Variants in GLUD1 observed in about 807,000 individuals in gnomAD.
The protein encoded by GLUD1 is glutamate dehydrogenase 1.
Under a neutral mutation model 56.0 loss-of-function variants are expected in GLUD1, and 22 were observed. That is an observed-to-expected ratio of 0.39 (90% CI 0.28 to 0.56). The LOEUF (loss-of-function observed/expected upper bound fraction) is 0.56. Among genes scored for constraint, GLUD1 ranks in the 20% least tolerant of loss-of-function variants. The pLI is 0.58. For missense variants in GLUD1, 451 were observed against 732.0 expected, an observed-to-expected ratio of 0.62 and a Z score of 4.43; for synonymous variants, 223 against 269.9, an observed-to-expected ratio of 0.83 and a Z score of 1.70.
At chr10:87,091,624 C>CT (rs1841511670) in intron 1 of GLUD1, 1 of 958,222 alleles carries the variant, frequency 1.0e-6, no homozygotes. Context: ...CATGTAGTAA[C>CT]TGGGAAAAGA....
chr10:87,082,568 G>C (rs1437969349), intron 1 of GLUD1, among the ~76,000 whole-genome samples: 1 of 152,190 alleles, frequency 6.6e-6, no homozygotes, highest in East Asian at 1.9e-4. Context: ...AGAAGCCCCA[G>C]AGCCAACAGA....
In GLUD1 at chr10:87,094,215, C is replaced by T; in HGVS notation, c.445+110G>A. ...GTGACCCGGGCGGGGACCCGGCCCG[C>T]TCCAGCTGGGCTGGGCTGGGCTGAG... On this transcript the variant is annotated intron_variant, in intron 1 of 12. Coordinates refer to ENST00000277865, the MANE Select transcript of GLUD1 (RefSeq NM_005271.5). The surrounding 1 kb of genome is among the most constrained non-coding windows in gnomAD (Gnocchi z 6.6). 4.9e-6 allele frequency: 7 copies of T among 1,424,482 alleles called. No homozygotes were observed. Among genetic ancestry groups the T allele is most frequent in the Non-Finnish European group, 6.6e-6 (7 of 1,066,618 alleles). 88.2% of individuals were successfully genotyped at this position (1,424,482 alleles called of 1,614,324 possible). A position where few individuals can be genotyped will look rare whatever the true frequency, so the allele number is the denominator to read the frequency against.
At chr10:87,073,069 T>C (rs533208986) in intron 4 of GLUD1, among the ~76,000 whole-genome samples, 58 of 152,368 alleles carry the variant, frequency 3.8e-4, no homozygotes, top group African/African-American at 1.4e-3. Flanking sequence ...CTATACTTAC[T>C]GTATTTCTAT....
intron 1 of GLUD1, among the ~76,000 whole-genome samples, chr10:87,084,516 G>C (rs1564563342): frequency 1.3e-5 from 2 of 152,006 alleles, no homozygotes; most frequent in Admixed American, 6.6e-5. Context: ...AACCACAATT[G>C]ACTAAGCTTG....
chr10:87,063,004 A>C (rs1038278105), intron 5 of GLUD1, among the ~76,000 whole-genome samples, 169 bp from the exon 6 acceptor site: 3 of 152,106 alleles, frequency 2.0e-5, no homozygotes, highest in Non-Finnish European at 4.4e-5. Context: ...GACAAGACTC[A>C]CTTTTTCAGC....
At position 87,094,451 on chromosome 10, in the gene GLUD1, G is replaced by C; in HGVS notation, c.319C>G (p.Arg107Gly). The C allele has an allele frequency of 1.2e-6, 2 of 1,613,740 alleles. No homozygotes were observed. The part of the protein sequence containing the change: ...QKRNRVRGIL[R>G]IIKPCNHVLS... ...ACATGGTTGCAGGGCTTGATGATCC[G>C]CAGGATGCCGCGCACCCGGTTCCGC... Residue 107 changes from arginine to glycine, a missense_variant, in exon 1 of 13, where the codon CGG (arginine) becomes GGG (glycine). Around this residue, in one of 4 missense-constraint regions of GLUD1, gnomAD observed 158 missense variants for 189.7 expected, o/e 0.83. Transcript: ENST00000277865. The surrounding 1 kb of genome is among the most constrained non-coding windows in gnomAD (Gnocchi z 6.6).
intron 11 of GLUD1, among the ~76,000 whole-genome samples, chr10:87,056,550 C>T (rs1845781315): frequency 6.6e-6 from 1 of 152,140 alleles, no homozygotes; most frequent in South Asian, 2.1e-4. Flanking sequence ...CTGCCTTGGC[C>T]TCCCAAAGTG....
At chr10:87,083,056 C>CA (rs1203743599) in intron 1 of GLUD1, among the ~76,000 whole-genome samples, 1 of 152,096 alleles carries the variant, frequency 6.6e-6, no homozygotes, top group African/African-American at 2.4e-5. Context: ...GCTTGGCCAA[C>CA]ATGGTGAAAC....
intron 12 of GLUD1, among the ~76,000 whole-genome samples, chr10:87,053,132 T>G (rs1370760838): frequency 1.3e-5 from 2 of 152,202 alleles, no homozygotes; most frequent in Non-Finnish European, 2.9e-5. Flanking sequence ...CCTTATTATT[T>G]CTTTCCAAAG....
In GLUD1 at chr10:87,060,250, G is replaced by C. The variant is rs201421730; in HGVS notation, c.1198-9C>G. The C allele has an allele frequency of 1.0e-4, 162 of 1,589,032 alleles. No individual in the cohort carries two copies. The East Asian group carries it at 1.4e-3, about 14-fold the overall frequency. ...GCACCTTCAGCAATGATCTGCAAGA[G>C]AGTCAGGAACATAGAGAAATGCGAA... On this transcript the variant is annotated splice_polypyrimidine_tract_variant and intron_variant, in intron 8 of 12. Transcript: ENST00000277865.
chr10:87,061,111 T>A, intron 6 of GLUD1, 59 bp from the exon 7 acceptor site: 1 of 1,475,334 alleles, frequency 6.8e-7, no homozygotes, highest in Non-Finnish European at 9.5e-7. Context: ...ACAGCAAGAG[T>A]CATATTTTGA....
chr10:87,052,343 C>A (rs1359064768), intron 12 of GLUD1, among the ~76,000 whole-genome samples: 2 of 151,874 alleles, frequency 1.3e-5, no homozygotes, highest in African/African-American at 4.8e-5. Context: ...AAAAAATTAA[C>A]CGGGTGTGGG....
Position 87,050,389 on chromosome 10 carries a change from A to T in GLUD1, c.*1362T>A, listed in dbSNP as rs1845600740. 1 of 152,114 alleles carries T rather than the reference A, an allele frequency of 6.6e-6. No homozygotes were observed. Among genetic ancestry groups the T allele is most frequent in the African/African-American group, 2.4e-5 (1 of 41,438 alleles). 9.4% of individuals were successfully genotyped at this position (152,114 alleles called of 1,614,324 possible). On this transcript the variant is annotated 3_prime_UTR_variant, in exon 13 of 13. Coordinates refer to ENST00000277865, the MANE Select transcript of GLUD1 (RefSeq NM_005271.5). ...AATAAAGTGGAAGGAAATGTTATACAGGTGGTCGCTATAAACATTTCAGAA... is the reference window on the plus strand; with the variant it reads ...AATAAAGTGGAAGGAAATGTTATACTGGTGGTCGCTATAAACATTTCAGAA...
At chr10:87,084,986 C>T (rs142769060) in intron 1 of GLUD1, among the ~76,000 whole-genome samples, 50 of 152,308 alleles carry the variant, frequency 3.3e-4, no homozygotes, top group African/African-American at 9.6e-4. Context: ...TGAAATACTA[C>T]GTCTCAGATA....
At chr10:87,058,814 C>T (rs1845856337) in intron 10 of GLUD1, among the ~76,000 whole-genome samples, 4 of 152,150 alleles carry the variant, frequency 2.6e-5, no homozygotes, top group Admixed American at 1.3e-4. Flanking sequence ...TTGCTTGAAC[C>T]TGGGAGGCGG....
rs891103940 is a variant in GLUD1, at chr10:87,068,095, C to T, written c.709G>A (p.Ala237Thr). 4.3e-6 allele frequency: 7 copies of T among 1,612,486 alleles called. No individual in the cohort carries two copies. The highest frequency in any genetic ancestry group is 4.5e-5 in the East Asian group (2 of 44,878). The change falls in exon 5 of 13, where the codon GCT becomes ACT. Residue 237 changes from alanine to threonine, a missense_variant. By Grantham distance (58) the Ala-to-Thr change is moderately conservative. Coordinates refer to ENST00000277865, the MANE Select transcript of GLUD1 (RefSeq NM_005271.5). The part of the protein sequence containing the change: ...STGEREMSWI[A>T]DTYASTIGHY... ...CCTATGGTGCTGGCATAGGTATCAG[C>T]GATCCAGGACATCTCCCGCTCACCT...
Position 87,087,343 on chromosome 10 carries a change from G to A in GLUD1, c.445+6982C>T, listed in dbSNP as rs115489554. ...CTCTCTGAACTCTCCCCATACTCCA[G>A]CCATCAGTTAGGGTTTGTATAGAGG... is the stretch of plus-strand genomic sequence containing the variant. On this transcript the variant is annotated intron_variant, in intron 1 of 12. Coordinates refer to ENST00000277865, the MANE Select transcript of GLUD1 (RefSeq NM_005271.5). 7.3e-3 allele frequency among the ~76,000 whole-genome samples: 1,118 copies of A among 152,220 alleles called. 15 individuals are homozygous for A. Among genetic ancestry groups the A allele is most frequent in the African/African-American group, 0.026 (1,061 of 41,512 alleles).
intron 11 of GLUD1, among the ~76,000 whole-genome samples, chr10:87,054,729 T>C (rs1297479922): frequency 6.6e-6 from 1 of 152,168 alleles, no homozygotes; most frequent in Non-Finnish European, 1.5e-5. Context: ...ATTTATACAT[T>C]TTTTAAAACA....
At chr10:87,059,101 C>A (rs772424574) in intron 10 of GLUD1, 49 bp downstream of exon 10, 11 of 1,608,886 alleles carry the variant, frequency 6.8e-6, no homozygotes, top group African/African-American at 1.3e-5. Flanking sequence ...TACAGCCTTT[C>A]AGCTGGCTCA....
Sources: gnomAD v4.1 joint callset for allele counts (sites outside exome capture counted in the v4.1 genomes callset) on GRCh38, gnomAD v4.1.1 for gene constraint, gnomAD v4.1.1 regional missense constraint, Gnocchi (gnomAD v3.1) non-coding constraint, MANE v1.5 for transcripts, NCBI Gene and HGNC (gene_info 2026-07-23, HGNC 2026-07-21) for gene names.